Variants in NPRL3 observed in about 807,000 individuals in gnomAD.
The protein encoded by NPRL3 is NPR3 like, GATOR1 complex subunit, also known as GATOR1 complex protein NPRL3.
Under a neutral mutation model 57.2 loss-of-function variants are expected in NPRL3, and 23 were observed. The observed-to-expected ratio is 0.40, with a 90% CI of 0.29 to 0.57. The LOEUF (loss-of-function observed/expected upper bound fraction) is 0.57. Ranked by LOEUF, NPRL3 falls within the 20% of genes least tolerant of loss-of-function variation. NPRL3 has a pLI of 0.42. For synonymous variants in NPRL3, 333 were observed against 321.1 expected (o/e 1.04, Z -0.39); for missense variants, 691 against 767.1 (o/e 0.90, Z 1.17).
intron 2 of NPRL3, among the ~76,000 whole-genome samples, chr16:134,244 C>A (rs1314499494): frequency 6.6e-6 from 1 of 151,914 alleles, no homozygotes; most frequent in African/African-American, 2.4e-5. Context: ...CACACACACA[C>A]CCCCTCACAG....
chr16:100,740 T>C (rs1227377371), intron 7 of NPRL3, among the ~76,000 whole-genome samples: 8 of 145,248 alleles, frequency 5.5e-5, no homozygotes, highest in East Asian at 4.0e-4. Context: ...GAGGCCAAGG[T>C]GGGCGGATCA....
chr16:114,612 C>T (rs1332500623), intron 5 of NPRL3, among the ~76,000 whole-genome samples: 1 of 152,154 alleles, frequency 6.6e-6, no homozygotes, highest in Non-Finnish European at 1.5e-5. Context: ...CATAAAGACA[C>T]CACATGCACT....
intron 11 of NPRL3, chr16:90,152 G>C (rs531009250): frequency 1.3e-5 from 6 of 473,950 alleles, no homozygotes; most frequent in Non-Finnish European, 2.2e-5. Flanking sequence ...ACCACACACC[G>C]GGGCCACCCA....
At chr16:118,492 C>T (rs1449874904) in intron 4 of NPRL3, among the ~76,000 whole-genome samples, 2 of 152,112 alleles carry the variant, frequency 1.3e-5, no homozygotes, top group African/African-American at 4.8e-5. Context: ...AAGGGTTTCA[C>T]GATGCTAGTT....
At chr16:134,979 G>A (rs968641881) in intron 2 of NPRL3, among the ~76,000 whole-genome samples, 15 of 152,124 alleles carry the variant, frequency 9.9e-5, no homozygotes, top group African/African-American at 3.6e-4. Flanking sequence ...GGGATTACAG[G>A]CGTGAGCCAC....
intron 3 of NPRL3, among the ~76,000 whole-genome samples, chr16:129,400 G>A (rs1378247015): frequency 6.6e-6 from 1 of 152,100 alleles, no homozygotes; most frequent in Non-Finnish European, 1.5e-5. Context: ...CAAAATGACG[G>A]TCCAATGGGG....
chr16:123,411 T>C, intron 3 of NPRL3: 1 of 463,860 alleles, frequency 2.2e-6, no homozygotes, highest in Non-Finnish European at 4.5e-6. Flanking sequence ...TCAGTCACTC[T>C]TCAACATGGA....
At chr16:125,987 T>A (rs1425025011) in intron 3 of NPRL3, 1 of 152,092 alleles carries the variant, frequency 6.6e-6, no homozygotes, top group Admixed American at 6.6e-5. Context: ...TAGGCCCAAG[T>A]GCAGCCACAA....
At chr16:120,018 G>A (rs1349298567) in intron 3 of NPRL3, among the ~76,000 whole-genome samples, 1 of 152,168 alleles carries the variant, frequency 6.6e-6, no homozygotes, top group African/African-American at 2.4e-5. Flanking sequence ...TACTGGCAAT[G>A]CTGATGCCTC....
chr16:100,196 A>G (rs1206167881), intron 8 of NPRL3, among the ~76,000 whole-genome samples, 176 bp downstream of exon 8: 2 of 152,128 alleles, frequency 1.3e-5, no homozygotes, highest in South Asian at 4.1e-4. Flanking sequence ...TCTGGACACA[A>G]CTGGATACAA....
intron 2 of NPRL3, among the ~76,000 whole-genome samples, chr16:133,571 A>G (rs1038479018): frequency 2.0e-5 from 3 of 151,386 alleles, no homozygotes; most frequent in East Asian, 1.9e-4. Context: ...GGGTCTCCCT[A>G]TGTTGCCCAG....
At chr16:100,239 G>T in intron 8 of NPRL3, 133 bp downstream of exon 8, 2 of 920,686 alleles carry the variant, frequency 2.2e-6, no homozygotes, top group Non-Finnish European at 3.0e-6. Context: ...AAACGGCAGA[G>T]CCCCACCTGC....
At chr16:106,241 G>A (rs1413175767) in intron 7 of NPRL3, among the ~76,000 whole-genome samples, 1 of 152,178 alleles carries the variant, frequency 6.6e-6, no homozygotes, top group East Asian at 1.9e-4. Flanking sequence ...CCGGGAGACG[G>A]AGGTTGCAGT....
chr16:95,284 C>T (rs2562177), intron 9 of NPRL3, among the ~76,000 whole-genome samples: 8,603 of 148,264 alleles, frequency 0.058, 405 homozygotes, highest in African/African-American at 0.13. Context: ...ATATACAGCA[C>T]GATCCTAATT....
rs1234365061 is a variant in NPRL3, at chr16:118,997, G to GAGCCACACCTGCCCAGGGGA, written c.318+109_318+128dup. 8 of 1,373,640 alleles carry GAGCCACACCTGCCCAGGGGA rather than the reference G, an allele frequency of 5.8e-6. No individual in the cohort carries two copies. In the African/African-American group the frequency reaches 1.0e-4, roughly 18 times the overall value. The allele number at this position is 1,373,640 out of a possible 1,614,324, so 85.1% of individuals were successfully genotyped here. On this transcript the variant is annotated intron_variant, in intron 4 of 13. Coordinates refer to ENST00000611875, the MANE Select transcript of NPRL3 (RefSeq NM_001077350.3). ...AGGGGGAGCCCCACCTGCCCAAGGA[G>GAGCCACACCTGCCCAGGGGA]AGCCACACCTGCCCAGGGGAAGCCA...
At chr16:105,180 C>T (rs1159090693) in intron 7 of NPRL3, among the ~76,000 whole-genome samples, 2 of 152,232 alleles carry the variant, frequency 1.3e-5, no homozygotes, top group African/African-American at 4.8e-5. Context: ...GCCCTGCATC[C>T]TGACAATGAC....
rs530923422 is a variant in NPRL3 at position 96,132 on chromosome 16, G to C, written c.924+2013C>G. ...AAGGGGACATCAAAAGGAGACCAAA[G>C]CTTTGTCCAAGGAGACTCTGAGAGC... is the stretch of plus-strand genomic sequence containing the variant. On this transcript the variant is annotated intron_variant, in intron 9 of 13. Transcript: ENST00000611875. Among the ~76,000 whole-genome samples the C allele has an allele frequency of 4.6e-5, 7 of 152,322 alleles. No homozygotes were observed. The South Asian group carries it at 1.0e-3, about 23-fold the overall frequency.
At chr16:97,034 C>A (rs1033828394) in intron 9 of NPRL3, among the ~76,000 whole-genome samples, 2 of 152,246 alleles carry the variant, frequency 1.3e-5, no homozygotes, top group African/African-American at 4.8e-5. Flanking sequence ...GGGCCCACCT[C>A]ACGCCTGTGT....
intron 7 of NPRL3, among the ~76,000 whole-genome samples, chr16:109,212 G>A (rs12149703): frequency 0.37 from 56,230 of 150,806 alleles, 11,521 homozygotes; most frequent in Non-Finnish European, 0.48. Flanking sequence ...CAAGAAATCC[G>A]CCCCTCAGCC....
Sources: allele counts gnomAD v4.1 joint callset (sites outside exome capture counted in the v4.1 genomes callset), GRCh38; gene constraint gnomAD v4.1.1; transcripts MANE v1.5; gene names NCBI Gene and HGNC (gene_info 2026-07-23, HGNC 2026-07-21).